Variants in PKHD1 observed in about 807,000 individuals in gnomAD.
The protein encoded by PKHD1 is fibrocystin.
In PKHD1, 291 loss-of-function variants were observed where a neutral mutation model predicts 412.0. The observed-to-expected ratio is 0.71, with a 90% CI of 0.64 to 0.78. The LOEUF (loss-of-function observed/expected upper bound fraction) is 0.78, where lower values mean the gene tolerates loss of function less well. PKHD1 is among the 30% of genes least tolerant of loss of function. The probability of loss-of-function intolerance (pLI) is 0.00; values close to 1 mark genes in which losing one functional copy is unlikely to be tolerated. For missense variants in PKHD1, 4,825 were observed against 4,950.7 expected (o/e 0.97, Z 0.76); for synonymous variants, 1,777 against 1,821.5 (o/e 0.98, Z 0.62).
chr6:51,776,024 A>T, intron 53 of PKHD1, 103 bp from the exon 54 acceptor site: 1 of 682,982 alleles, frequency 1.5e-6, no homozygotes, highest in Non-Finnish European at 2.7e-6. Context: ...GATACTGTGA[A>T]GTAGACTATA....
chr6:51,667,827 C>G (rs1423201339), intron 60 of PKHD1, among the ~76,000 whole-genome samples: 2 of 149,508 alleles, frequency 1.3e-5, no homozygotes, highest in Non-Finnish European at 3.0e-5. Flanking sequence ...GCTTGTTTTT[C>G]TCAGGTTTGT....
rs1812949235 is a variant in PKHD1, at chr6:52,087,454, T to G, written c.-105A>C. The G allele has an allele frequency of 6.6e-6, 1 of 152,212 alleles. No homozygotes were observed. Among genetic ancestry groups the G allele is most frequent in the African/African-American group, 2.4e-5 (1 of 41,460 alleles). 9.4% of individuals were successfully genotyped at this position (152,212 alleles called of 1,614,324 possible). A position where few individuals can be genotyped will look rare whatever the true frequency, so the allele number is the denominator to read the frequency against. On this transcript the variant is annotated 5_prime_UTR_variant, in exon 1 of 67. Coordinates refer to ENST00000371117, the MANE Select transcript of PKHD1 (RefSeq NM_138694.4). ...AGTACCTTTTTTTTCTGTTTCTGTC[T>G]CCTTGTGACTCAAGGGAGAAATGAT...
At chr6:51,821,460 T>A (rs957733811) in intron 52 of PKHD1, among the ~76,000 whole-genome samples, 1 of 152,158 alleles carries the variant, frequency 6.6e-6, no homozygotes, top group African/African-American at 2.4e-5. Flanking sequence ...TGTCTCCAAA[T>A]AAATATTAAA....
chr6:51,967,757 A>G (rs912754539), intron 35 of PKHD1, among the ~76,000 whole-genome samples: 1 of 152,186 alleles, frequency 6.6e-6, no homozygotes, highest in Non-Finnish European at 1.5e-5. Context: ...ATTGACAGAT[A>G]CATGCTAGCC....
chr6:51,743,527 G>T (rs777329926), intron 60 of PKHD1, among the ~76,000 whole-genome samples: 5 of 152,066 alleles, frequency 3.3e-5, no homozygotes, highest in African/African-American at 1.2e-4. Flanking sequence ...TTTCAGGGTC[G>T]AGTCTAGGCT....
At chr6:51,861,349 C>G (rs1292335931) in intron 48 of PKHD1, among the ~76,000 whole-genome samples, 1 of 152,152 alleles carries the variant, frequency 6.6e-6, no homozygotes, top group African/African-American at 2.4e-5. Flanking sequence ...CTTACTTTTC[C>G]TGAGGGTCCA....
intron 58 of PKHD1, 22 bp downstream of exon 58, chr6:51,747,765 T>A (rs762720586): frequency 5.0e-6 from 8 of 1,602,428 alleles, no homozygotes; most frequent in Non-Finnish European, 6.8e-6. Flanking sequence ...TGGCACTGCC[T>A]AGATAAAATA....
At chr6:52,000,624 C>T (rs575289450) in intron 35 of PKHD1, among the ~76,000 whole-genome samples, 58 of 152,242 alleles carry the variant, frequency 3.8e-4, no homozygotes, top group African/African-American at 1.3e-3. Context: ...ATAAAGCTCG[C>T]GGTTTTCCAC....
intron 61 of PKHD1, among the ~76,000 whole-genome samples, chr6:51,653,442 A>T (rs111672880): frequency 1.9e-4 from 29 of 152,198 alleles, no homozygotes; most frequent in African/African-American, 6.5e-4. Context: ...ACACTTGCCA[A>T]ATCAGTACCT....
At chr6:51,622,183 C>T (rs1475229910) in intron 66 of PKHD1, among the ~76,000 whole-genome samples, 1 of 152,208 alleles carries the variant, frequency 6.6e-6, no homozygotes, top group Admixed American at 6.5e-5. Context: ...TTCCAGCTAT[C>T]CTTAGCCTCT....
chr6:51,981,586 C>T (rs1279024580), intron 35 of PKHD1, among the ~76,000 whole-genome samples: 6 of 139,698 alleles, frequency 4.3e-5, no homozygotes, highest in Admixed American at 7.2e-5. Context: ...CCCGGGGTGC[C>T]GGGATTGCGG....
At chr6:51,951,521 C>T (rs1380430616) in intron 36 of PKHD1, among the ~76,000 whole-genome samples, 1 of 151,948 alleles carries the variant, frequency 6.6e-6, no homozygotes, top group African/African-American at 2.4e-5. Flanking sequence ...CAAAAGGTTC[C>T]AAATATAATT....
chr6:51,741,753 GCC>G (rs942264285), intron 60 of PKHD1, among the ~76,000 whole-genome samples: 1 of 152,016 alleles, frequency 6.6e-6, no homozygotes, highest in Non-Finnish European at 1.5e-5. Flanking sequence ...TTATAGGATC[GCC>G]CCCCATTAAA....
chr6:51,836,135 C>T (rs1366144856), intron 51 of PKHD1, among the ~76,000 whole-genome samples: 2 of 152,182 alleles, frequency 1.3e-5, no homozygotes, highest in South Asian at 2.1e-4. Flanking sequence ...CCTATGTGCA[C>T]ATATGGTCCA....
chr6:51,711,692 GA>G (rs953107117), intron 60 of PKHD1, among the ~76,000 whole-genome samples: 2 of 152,132 alleles, frequency 1.3e-5, no homozygotes, highest in African/African-American at 4.8e-5. Flanking sequence ...AGAATGAAAA[GA>G]AAACAAACCA....
At chr6:51,621,822 A>G (rs961375839) in intron 66 of PKHD1, 1 of 152,202 alleles carries the variant, frequency 6.6e-6, no homozygotes, top group Non-Finnish European at 1.5e-5. Context: ...TTGGACCTCC[A>G]CAGGAAGCTT....
intron 46 of PKHD1, among the ~76,000 whole-genome samples, chr6:51,880,778 T>TAAAAAAAAAAAAAAAAAAA (rs1777137313): frequency 9.5e-5 from 1 of 10,542 alleles, no homozygotes; most frequent in Non-Finnish European, 1.4e-4. Context: ...AAAAAAAAAA[T>TAAAAAAAAAAAAAAAAAAA]TAAAAAAAAA....
chr6:51,979,067 C>T (rs966367679), intron 35 of PKHD1, among the ~76,000 whole-genome samples: 3 of 152,280 alleles, frequency 2.0e-5, no homozygotes, highest in African/African-American at 7.2e-5. Flanking sequence ...TGACTTGTCC[C>T]GTCCTTAATC....
chr6:52,010,008 CCACAGAGAGCCCCTTT>C (rs995756798), intron 35 of PKHD1, among the ~76,000 whole-genome samples: 1 of 152,012 alleles, frequency 6.6e-6, no homozygotes, highest in African/African-American at 2.4e-5. Flanking sequence ...AAGAAATAAA[CCACAGAGAGCCCCTTT>C]CAAACATGCA....
Sources: gnomAD v4.1 joint callset for allele counts (sites outside exome capture counted in the v4.1 genomes callset) on GRCh38, gnomAD v4.1.1 for gene constraint, MANE v1.5 for transcripts, NCBI Gene and HGNC (gene_info 2026-07-23, HGNC 2026-07-21) for gene names.